The following LRRC27 variants were observed in gnomAD, a reference collection of about 807,000 sequenced individuals.
LRRC27 encodes leucine rich repeat containing 27.
In LRRC27, 57 loss-of-function variants were observed where a neutral mutation model predicts 55.0. That is an observed-to-expected ratio of 1.04 (90% CI 0.84 to 1.29). LRRC27 has a LOEUF of 1.29. Among genes scored for constraint, LRRC27 ranks in the 50% most tolerant of loss-of-function variants. The probability of loss-of-function intolerance (pLI) is 0.00; values close to 1 mark genes in which losing one functional copy is unlikely to be tolerated. For missense variants in LRRC27, 721 were observed against 651.5 expected (o/e 1.11, Z -1.16); for synonymous variants, 278 against 251.9 (o/e 1.10, Z -0.98).
intron 9 of LRRC27, among the ~76,000 whole-genome samples, chr10:132,364,804 A>T (rs1340934557): frequency 1.6e-5 from 2 of 121,682 alleles, no homozygotes; most frequent in East Asian, 1.9e-4. Flanking sequence ...ACACCCACCC[A>T]CACTTACACC....
chr10:132,366,829 G>C, intron 10 of LRRC27: 1 of 1,263,650 alleles, frequency 7.9e-7, no homozygotes, highest in Non-Finnish European at 1.0e-6. Flanking sequence ...CATTTCCGCT[G>C]TTTCCCTCTC....
intron 2 of LRRC27, chr10:132,335,323 G>T (rs2067061915): frequency 6.6e-6 from 1 of 152,326 alleles, no homozygotes. Flanking sequence ...ATTGGTTGTT[G>T]GGTAGGGGCT....
At position 132,374,206 on chromosome 10, in the gene LRRC27, G is replaced by A. The variant is rs535432253; in HGVS notation, c.1417-860G>A. ...TATGGCTGCATGGTGAGGGGGTGCA[G>A]TGGCTCCAGGGACCTGCTGTGATTA... On this transcript the variant is annotated intron_variant, in intron 10 of 10. Coordinates refer to ENST00000368614, the MANE Select transcript of LRRC27 (RefSeq NM_030626.3). The surrounding 1 kb of genome is among the most constrained non-coding windows in gnomAD (Gnocchi z 4.4). Among the ~76,000 whole-genome samples, 9 of 150,110 alleles carry A rather than the reference G, an allele frequency of 6.0e-5. No homozygotes were observed. Among genetic ancestry groups the A allele is most frequent in the African/African-American group, 2.2e-4 (9 of 40,596 alleles).
At chr10:132,343,207 TAGGAGGCTGAGGC>T (rs202025001) in intron 4 of LRRC27, among the ~76,000 whole-genome samples, 1,779 of 152,090 alleles carry the variant, frequency 0.012, 33 homozygotes, top group African/African-American at 0.041. Context: ...CCTAGGTACT[TAGGAGGCTGAGGC>T]AGGAGGCTAA....
chr10:132,373,845 A>C (rs1043581519), intron 10 of LRRC27, among the ~76,000 whole-genome samples: 4 of 152,202 alleles, frequency 2.6e-5, no homozygotes, highest in Non-Finnish European at 4.4e-5. Flanking sequence ...AGAGGTTTAC[A>C]GTTTGAGAGG....
chr10:132,370,116 C>G (rs1339835050), intron 10 of LRRC27, among the ~76,000 whole-genome samples: 2 of 152,220 alleles, frequency 1.3e-5, no homozygotes, highest in Non-Finnish European at 2.9e-5. Context: ...CTGGGTAGGT[C>G]TGAATGCAAA....
At position 132,380,102 on chromosome 10, in the gene LRRC27, G is replaced by T. The variant is rs920416307; in HGVS notation, c.*4860G>T. On this transcript the variant is annotated 3_prime_UTR_variant, in exon 11 of 11. Coordinates refer to ENST00000368614, the MANE Select transcript of LRRC27 (RefSeq NM_030626.3). ...ACCTAAGGTCAGGAGTTCAAGACCA[G>T]CCTGGCCAACATGGAGAAACCCCGT... is the stretch of plus-strand genomic sequence containing the variant. 6.6e-6 allele frequency among the ~76,000 whole-genome samples: 1 copy of T among 152,092 alleles called. No homozygotes were observed. The highest frequency in any genetic ancestry group is 2.4e-5 in the African/African-American group (1 of 41,396).
intron 7 of LRRC27, 121 bp from the exon 8 acceptor site, chr10:132,355,669 C>T (rs530777759): frequency 2.0e-5 from 14 of 693,168 alleles, no homozygotes; most frequent in Admixed American, 1.4e-4. Context: ...AGGGCATGCA[C>T]GCCCCCAGCC....
upstream of LRRC27, chr10:132,330,619 TGCCTCACCCTCCCACACA>T (rs1351921214): frequency 3.5e-5 from 24 of 681,148 alleles, no homozygotes; most frequent in Non-Finnish European, 5.9e-5. Flanking sequence ...GCGATCCTCT[TGCCTCACCCTCCCACACA>T]GCTGGAACTA....
intron 10 of LRRC27, among the ~76,000 whole-genome samples, chr10:132,367,266 C>T (rs1403965010): frequency 6.6e-6 from 1 of 152,198 alleles, no homozygotes; most frequent in Non-Finnish European, 1.5e-5. Context: ...CCTTCCAAAA[C>T]AGAAATCACA....
Position 132,374,281 on chromosome 10 carries a change from G to A in LRRC27, c.1417-785G>A, listed in dbSNP as rs1285702132. On this transcript the variant is annotated intron_variant, in intron 10 of 10. Coordinates refer to ENST00000368614, the MANE Select transcript of LRRC27 (RefSeq NM_030626.3). This position sits in a 1 kb window ranked among gnomAD's most constrained non-coding sequence, Gnocchi z 4.4. ...CAGGGGTCTCCTGGGACCTGCACTG[G>A]AGGTAGTGTCCAACCTGTGCCCCCA... Among the ~76,000 whole-genome samples the A allele has an allele frequency of 6.6e-6, 1 of 152,142 alleles. No individual in the cohort carries two copies. Among genetic ancestry groups the A allele is most frequent in the African/African-American group, 2.4e-5 (1 of 41,412 alleles).
chr10:132,370,587 C>T (rs549451118), intron 10 of LRRC27, among the ~76,000 whole-genome samples: 7 of 152,342 alleles, frequency 4.6e-5, no homozygotes, highest in African/African-American at 1.7e-4. Context: ...CTCCTCTGTC[C>T]CGCTGCCTCT....
At chr10:132,330,691 T>C (rs1183818728), upstream of LRRC27, among the ~76,000 whole-genome samples, 1 of 101,254 alleles carries the variant, frequency 9.9e-6, no homozygotes, top group Non-Finnish European at 2.2e-5. Flanking sequence ...TTTTTTTTTT[T>C]TTAATTTTTG....
chr10:132,351,688 A>G lies in LRRC27; in HGVS notation c.1008A>G (p.Glu336=). ...YQMAIRAKRL[E]ESRAAALREL... ...TGGCGATCCGAGCAAAAAGACTGGA[A>G]GAGAGCCGAGCGGCGGCGCTCCGAG... Residue 336 remains glutamate, a synonymous_variant, in exon 7 of 11, where the codon GAA becomes GAG. Transcript: ENST00000368614. 1 of 1,614,010 alleles carries G rather than the reference A, an allele frequency of 6.2e-7. No individual in the cohort carries two copies. Among genetic ancestry groups the G allele is most frequent in the Non-Finnish European group, 8.5e-7 (1 of 1,180,014 alleles).
chr10:132,360,322 C>A (rs1357668400), intron 8 of LRRC27, among the ~76,000 whole-genome samples: 1 of 152,200 alleles, frequency 6.6e-6, no homozygotes, highest in Non-Finnish European at 1.5e-5. Flanking sequence ...TTTTGAACTC[C>A]TGACCTCAAG....
At chr10:132,360,610 G>A (rs1440040773) in intron 8 of LRRC27, among the ~76,000 whole-genome samples, 1 of 152,068 alleles carries the variant, frequency 6.6e-6, no homozygotes, top group Non-Finnish European at 1.5e-5. Context: ...TCTGGTTGCC[G>A]AACACTTTCT....
At chr10:132,339,493 A>C (rs2067297214) in intron 3 of LRRC27, among the ~76,000 whole-genome samples, 1 of 152,210 alleles carries the variant, frequency 6.6e-6, no homozygotes, top group Non-Finnish European at 1.5e-5. Flanking sequence ...GGCGGACCAC[A>C]GACGGACCTG....
chr10:132,364,862 C>G (rs995473061), intron 9 of LRRC27, among the ~76,000 whole-genome samples: 2 of 12,040 alleles, frequency 1.7e-4, no homozygotes, highest in Non-Finnish European at 8.3e-4. Flanking sequence ...CCCACACTCA[C>G]GCAGACTGGA....
chr10:132,366,040 G>C (rs1010101649), intron 10 of LRRC27, among the ~76,000 whole-genome samples: 1 of 152,276 alleles, frequency 6.6e-6, no homozygotes, highest in African/African-American at 2.4e-5. Context: ...TTTCAGCCGA[G>C]GGGCTGAGCC....
Sources: allele counts gnomAD v4.1 joint callset (sites outside exome capture counted in the v4.1 genomes callset), GRCh38; gene constraint gnomAD v4.1.1; non-coding constraint Gnocchi (gnomAD v3.1); transcripts MANE v1.5; gene names NCBI Gene and HGNC (gene_info 2026-07-23, HGNC 2026-07-21).